The following GRIK5 variants were observed in gnomAD, a reference collection of about 807,000 sequenced individuals.
GRIK5 encodes the protein glutamate receptor ionotropic, kainate 5.
GRIK5 carries 43 observed loss-of-function variants against 97.4 expected under a neutral mutation model. The ratio of observed to expected loss-of-function variants is 0.44; its 90% CI spans 0.35 to 0.57. The LOEUF is 0.57. GRIK5 is among the 20% of genes least tolerant of loss of function. GRIK5 has a pLI of 0.01. For synonymous variants in GRIK5, 580 were observed against 583.5 expected, an observed-to-expected ratio of 0.99 and a Z score of 0.09; for missense variants, 1,015 against 1,382.0, an observed-to-expected ratio of 0.73 and a Z score of 4.21.
In GRIK5 at chr19:42,042,506, C is replaced by T. The variant is rs749081035; in HGVS notation, c.1473+46G>A. The T allele has an allele frequency of 2.0e-6, 3 of 1,527,126 alleles. No homozygotes were observed. Among genetic ancestry groups the T allele is most frequent in the Non-Finnish European group, 2.7e-6 (3 of 1,120,306 alleles). The allele number at this position is 1,527,126 out of a possible 1,614,324, so 94.6% of individuals were successfully genotyped here. A position where few individuals can be genotyped will look rare whatever the true frequency, so the allele number is the denominator to read the frequency against. ...GGCTGCCCAGCTGCCCGCCCTCCCTCACTCGCCGGGTCCATGCATCTTTCC... is the reference window on the plus strand; with the variant it reads ...GGCTGCCCAGCTGCCCGCCCTCCCTTACTCGCCGGGTCCATGCATCTTTCC... On this transcript the variant is annotated intron_variant, in intron 12 of 19. Coordinates refer to ENST00000593562, the MANE Select transcript of GRIK5 (RefSeq NM_002088.5). This position sits in a 1 kb window ranked among gnomAD's most constrained non-coding sequence, Gnocchi z 6.9.
Position 42,065,074 on chromosome 19 carries a change from T to A in GRIK5, c.244+149A>T. 4 of 689,622 alleles carry A rather than the reference T, an allele frequency of 5.8e-6. No individual in the cohort carries two copies. The highest frequency in any genetic ancestry group is 9.4e-6 in the Non-Finnish European group (4 of 423,342). The allele number at this position is 689,622 out of a possible 1,614,324, so 42.7% of individuals were successfully genotyped here. A position where few individuals can be genotyped will look rare whatever the true frequency, so the allele number is the denominator to read the frequency against. On this transcript the variant is annotated intron_variant, in intron 3 of 19. Transcript: ENST00000593562. This position sits in a 1 kb window ranked among gnomAD's most constrained non-coding sequence, Gnocchi z 5.8. Reference sequence around the variant, plus strand: ...CAACCCCCAGGCCCAGCAGCAGCCATGTCTGGGAAGAAGGCAGAGACAAAC... The same window carrying A: ...CAACCCCCAGGCCCAGCAGCAGCCAAGTCTGGGAAGAAGGCAGAGACAAAC...
intron 17 of GRIK5, among the ~76,000 whole-genome samples, chr19:42,005,315 T>TCATTCCA (rs1216919471): frequency 6.7e-6 from 1 of 149,514 alleles, no homozygotes; most frequent in Non-Finnish European, 1.5e-5. Flanking sequence ...CCCTACCAGA[T>TCATTCCA]CATTCCATCC....
At chr19:42,044,369 A>C (rs2076017436) in intron 11 of GRIK5, among the ~76,000 whole-genome samples, 1 of 152,222 alleles carries the variant, frequency 6.6e-6, no homozygotes, top group South Asian at 2.1e-4. Flanking sequence ...GGCCAAAACA[A>C]ACACAGTTTC....
At chr19:42,067,081 C>T (rs369621294) in intron 1 of GRIK5, among the ~76,000 whole-genome samples, 2 of 152,200 alleles carry the variant, frequency 1.3e-5, no homozygotes, top group African/African-American at 4.8e-5. Flanking sequence ...TGCACAGCTC[C>T]ACTTCCCCTG....
chr19:42,063,661 GA>G (rs1259725535), intron 3 of GRIK5: 3 of 232,798 alleles, frequency 1.3e-5, no homozygotes, highest in South Asian at 5.2e-5. Flanking sequence ...ACCACCAGTT[GA>G]GAGAGCATTT....
In GRIK5 at chr19:41,999,164, G is replaced by C; in HGVS notation, c.2650C>G (p.Arg884Gly). The C allele has an allele frequency of 6.6e-7, 1 of 1,503,762 alleles. No homozygotes were observed. Among genetic ancestry groups the C allele is most frequent in the Non-Finnish European group, 8.8e-7 (1 of 1,134,654 alleles). 93.2% of individuals were successfully genotyped at this position (1,503,762 alleles called of 1,614,324 possible). ...LLSLRAVREM[R>G]LSNGKLYSAG... The stretch of plus-strand genomic sequence containing the variant: ...GAGTAGAGCTTGCCGTTGCTGAGGC[G>C]CATCTCGCGGACCGCGCGCAGTGAC... Residue 884 changes from arginine to glycine, a missense_variant, in exon 20 of 20, where the codon CGC becomes GGC. Coordinates refer to ENST00000593562, the MANE Select transcript of GRIK5 (RefSeq NM_002088.5). This position sits in a 1 kb window ranked among gnomAD's most constrained non-coding sequence, Gnocchi z 5.0.
chr19:42,063,599 C>T, intron 3 of GRIK5: 1 of 309,648 alleles, frequency 3.2e-6, no homozygotes, highest in Non-Finnish European at 6.4e-6. Context: ...ACAATTATCA[C>T]TGGGTTTGCT....
At chr19:42,008,723 G>T (rs1274904269) in intron 15 of GRIK5, among the ~76,000 whole-genome samples, 1 of 152,144 alleles carries the variant, frequency 6.6e-6, no homozygotes, top group African/African-American at 2.4e-5. Flanking sequence ...TGACATAGAT[G>T]ATGACGGAAT....
Position 41,999,099 on chromosome 19 carries a change from G to A in GRIK5, c.2715C>T (p.Gly905=), listed in dbSNP as rs1568874276. 3 of 1,348,636 alleles carry A rather than the reference G, an allele frequency of 2.2e-6. No individual in the cohort carries two copies. The highest frequency in any genetic ancestry group is 9.5e-7 in the Non-Finnish European group (1 of 1,056,044). 83.5% of individuals were successfully genotyped at this position (1,348,636 alleles called of 1,614,324 possible). A position where few individuals can be genotyped will look rare whatever the true frequency, so the allele number is the denominator to read the frequency against. The change falls in exon 20 of 20, where the codon GGC becomes GGT. Residue 905 remains glycine, a synonymous_variant. Transcript: ENST00000593562. This position sits in a 1 kb window ranked among gnomAD's most constrained non-coding sequence, Gnocchi z 5.0. ...AGGDAGSAHG[G]PQRLLDDPGP... The stretch of plus-strand genomic sequence containing the variant: ...CCGGGTCGTCCAGGAGGCGCTGCGG[G>A]CCCCCGTGCGCGCTGCCCGCATCCC...
At chr19:42,027,210 G>A (rs933457310) in intron 12 of GRIK5, among the ~76,000 whole-genome samples, 1 of 152,218 alleles carries the variant, frequency 6.6e-6, no homozygotes, top group African/African-American at 2.4e-5. Flanking sequence ...GTAGTGACAA[G>A]TGCTGTGATG....
intron 15 of GRIK5, among the ~76,000 whole-genome samples, chr19:42,011,517 C>T (rs143921660): frequency 0.091 from 13,468 of 148,568 alleles, 805 homozygotes; most frequent in Middle Eastern, 0.17. Context: ...CGCGCCACTG[C>T]ACTCCAGCCT....
At position 42,065,451 on chromosome 19, in the gene GRIK5, T is replaced by C. The variant is rs1482735556; in HGVS notation, c.80-64A>G. The C allele has an allele frequency of 1.3e-6, 2 of 1,494,142 alleles. No homozygotes were observed. Among genetic ancestry groups the C allele is most frequent in the Non-Finnish European group, 1.8e-6 (2 of 1,108,924 alleles). The allele number at this position is 1,494,142 out of a possible 1,614,324, so 92.6% of individuals were successfully genotyped here. A position where few individuals can be genotyped will look rare whatever the true frequency, so the allele number is the denominator to read the frequency against. On this transcript the variant is annotated intron_variant, in intron 2 of 19. Coordinates refer to ENST00000593562, the MANE Select transcript of GRIK5 (RefSeq NM_002088.5). The surrounding 1 kb of genome is among the most constrained non-coding windows in gnomAD (Gnocchi z 5.8). Reference sequence around the variant, plus strand: ...CCTGAGGAAGGAGGGGGCTGTGGTCTTAGACTCCAGGGCTCTAGGGTGAGG... The same window carrying C: ...CCTGAGGAAGGAGGGGGCTGTGGTCCTAGACTCCAGGGCTCTAGGGTGAGG...
chr19:42,025,270 C>T (rs535072213), intron 12 of GRIK5, among the ~76,000 whole-genome samples: 71 of 152,306 alleles, frequency 4.7e-4, no homozygotes, highest in African/African-American at 1.6e-3. Context: ...TACCATTCTA[C>T]GCATGAGGAA....
chr19:42,057,703 A>C (rs1387374076), intron 6 of GRIK5, among the ~76,000 whole-genome samples: 1 of 152,194 alleles, frequency 6.6e-6, no homozygotes, highest in East Asian at 1.9e-4. Flanking sequence ...ACACTCTCCA[A>C]AAGCCAAGGT....
intron 15 of GRIK5, among the ~76,000 whole-genome samples, chr19:42,019,901 T>C (rs1293943509): frequency 2.6e-5 from 4 of 152,234 alleles, no homozygotes; most frequent in Non-Finnish European, 5.9e-5. Context: ...TAGGATAATG[T>C]GTATTGTTTT....
intron 8 of GRIK5, among the ~76,000 whole-genome samples, chr19:42,055,920 T>C (rs2076177684): frequency 6.6e-6 from 1 of 152,086 alleles, no homozygotes; most frequent in South Asian, 2.1e-4. Flanking sequence ...TGGACTAAAG[T>C]GATCCTCCTG....
intron 19 of GRIK5, among the ~76,000 whole-genome samples, chr19:42,000,522 A>G (rs189011728): frequency 6.6e-6 from 1 of 152,344 alleles, no homozygotes; most frequent in East Asian, 1.9e-4. Context: ...CAGAAGCCCA[A>G]TGTTGGACAC....
intron 11 of GRIK5, among the ~76,000 whole-genome samples, chr19:42,050,342 G>A (rs2076096967): frequency 1.3e-5 from 2 of 152,132 alleles, no homozygotes; most frequent in Admixed American, 1.3e-4. Flanking sequence ...ACAGCCCTGA[G>A]GGCTCAGAAA....
At chr19:42,043,428 C>CA (rs939984342) in intron 11 of GRIK5, among the ~76,000 whole-genome samples, 142 of 119,524 alleles carry the variant, frequency 1.2e-3, no homozygotes, top group African/African-American at 4.4e-3. Context: ...TTTTTTGAGA[C>CA]AGAGTCTTGC....
Sources: allele counts gnomAD v4.1 joint callset (sites outside exome capture counted in the v4.1 genomes callset), GRCh38; gene constraint gnomAD v4.1.1; non-coding constraint Gnocchi (gnomAD v3.1); transcripts MANE v1.5; gene names NCBI Gene and HGNC (gene_info 2026-07-23, HGNC 2026-07-21).